The following ADAMTS12 variants were observed in gnomAD, a reference collection of about 807,000 sequenced individuals.
ADAMTS12 encodes the protein ADAM metallopeptidase with thrombospondin type 1 motif 12, also known as A disintegrin and metalloproteinase with thrombospondin motifs 12.
Under a neutral mutation model 167.8 loss-of-function variants are expected in ADAMTS12, and 118 were observed. That is an observed-to-expected ratio of 0.70 (90% CI 0.61 to 0.82). The LOEUF is 0.82. Ranked by LOEUF, ADAMTS12 falls within the 40% of genes least tolerant of loss-of-function variation. The pLI is 0.00. For missense variants in ADAMTS12, 1,916 were observed against 1,998.8 expected, an observed-to-expected ratio of 0.96 and a Z score of 0.79; for synonymous variants, 704 against 716.9, an observed-to-expected ratio of 0.98 and a Z score of 0.29.
At chr5:33,797,132 C>A (rs1048743051) in intron 2 of ADAMTS12, among the ~76,000 whole-genome samples, 3 of 152,196 alleles carry the variant, frequency 2.0e-5, no homozygotes, top group African/African-American at 7.2e-5. Context: ...TGTGAACAAG[C>A]AACTCTTTAC....
At chr5:33,689,260 A>C (rs1174432736) in intron 3 of ADAMTS12, among the ~76,000 whole-genome samples, 1 of 152,226 alleles carries the variant, frequency 6.6e-6, no homozygotes, top group Non-Finnish European at 1.5e-5. Context: ...TATAGAGTTT[A>C]TTCAAAGTCT....
chr5:33,615,974 G>T lies in ADAMTS12; in HGVS notation c.2242C>A (p.Pro748Thr). 1 of 1,614,048 alleles carries T rather than the reference G, an allele frequency of 6.2e-7. No individual in the cohort carries two copies. Among genetic ancestry groups the T allele is most frequent in the Non-Finnish European group, 8.5e-7 (1 of 1,180,002 alleles). ...CCTCCATTCAGGTAATATTTTTCAG[G>T]ATCTTCACTCCTGATGGCCAGGAAG... is the stretch of plus-strand genomic sequence containing the variant. ...GNFLAIRSED[P>T]EKYYLNGGFI... Residue 748 changes from proline to threonine, a missense_variant, in exon 15 of 24, where the codon CCT becomes ACT. Transcript: ENST00000504830.
At chr5:33,590,680 T>C (rs926869223) in intron 17 of ADAMTS12, among the ~76,000 whole-genome samples, 8 of 152,206 alleles carry the variant, frequency 5.3e-5, no homozygotes, top group Admixed American at 4.6e-4. Context: ...GGTCTTGCTT[T>C]GTCACCCAGG....
chr5:33,632,349 C>T (rs185881661), intron 12 of ADAMTS12, among the ~76,000 whole-genome samples: 1 of 151,268 alleles, frequency 6.6e-6, no homozygotes, highest in Non-Finnish European at 1.5e-5. Flanking sequence ...TACCATTATG[C>T]GTGTAATACC....
At chr5:33,530,783 C>G (rs534060824) in intron 23 of ADAMTS12, among the ~76,000 whole-genome samples, 3 of 152,196 alleles carry the variant, frequency 2.0e-5, no homozygotes, top group Non-Finnish European at 4.4e-5. Context: ...GAGCATAAGC[C>G]TCTTCTGCTA....
intron 2 of ADAMTS12, among the ~76,000 whole-genome samples, chr5:33,846,251 A>G (rs1748940424): frequency 6.6e-6 from 1 of 152,224 alleles, no homozygotes; most frequent in South Asian, 2.1e-4. Flanking sequence ...GAGTTATCAG[A>G]AAACAGTGTC....
At chr5:33,685,475 G>A (rs1398082181) in intron 3 of ADAMTS12, among the ~76,000 whole-genome samples, 1 of 152,188 alleles carries the variant, frequency 6.6e-6, no homozygotes, top group East Asian at 1.9e-4. Flanking sequence ...TCTAGGCTGT[G>A]GAGTTGCTTA....
chr5:33,827,755 A>ATAGG (rs1251662602), intron 2 of ADAMTS12, among the ~76,000 whole-genome samples: 2 of 147,172 alleles, frequency 1.4e-5, no homozygotes, highest in Non-Finnish European at 3.0e-5. Flanking sequence ...AGATAGATAG[A>ATAGG]TAGATAGAAT....
At chr5:33,695,461 A>C (rs182296619) in intron 3 of ADAMTS12, among the ~76,000 whole-genome samples, 110 of 152,332 alleles carry the variant, frequency 7.2e-4, no homozygotes, top group African/African-American at 2.5e-3. Context: ...CCTGTCCATA[A>C]ACAAATAAAT....
Position 33,741,043 on chromosome 5 carries a change from T to C in ADAMTS12, c.634+10361A>G, listed in dbSNP as rs551795223. Among the ~76,000 whole-genome samples the C allele has an allele frequency of 1.1e-4, 17 of 152,378 alleles. No homozygotes were observed. The South Asian group carries it at 3.3e-3, about 30-fold the overall frequency. ...AGTGTAAGGCCTTGTGTGGCCCCTCTAGTCACAGTCCCATGCAGCCAGCCC... is the reference window on the plus strand; with the variant it reads ...AGTGTAAGGCCTTGTGTGGCCCCTCCAGTCACAGTCCCATGCAGCCAGCCC... On this transcript the variant is annotated intron_variant, in intron 3 of 23. Transcript: ENST00000504830.
intron 16 of ADAMTS12, among the ~76,000 whole-genome samples, chr5:33,605,830 C>G (rs1275465317): frequency 6.6e-6 from 1 of 152,176 alleles, no homozygotes; most frequent in African/African-American, 2.4e-5. Context: ...ACCAACCATA[C>G]AAAATTTCTC....
chr5:33,527,481 C>T, intron 23 of ADAMTS12, 115 bp from the exon 24 acceptor site: 2 of 1,010,884 alleles, frequency 2.0e-6, no homozygotes, highest in Non-Finnish European at 2.9e-6. Flanking sequence ...GGAGCCATAA[C>T]AATTCATAAT....
At chr5:33,861,466 A>C (rs1749614392) in intron 2 of ADAMTS12, among the ~76,000 whole-genome samples, 1 of 152,236 alleles carries the variant, frequency 6.6e-6, no homozygotes, top group Non-Finnish European at 1.5e-5. Flanking sequence ...TCAATGCAAC[A>C]AGAACAGCTA....
rs951367686 is a variant in ADAMTS12, at chr5:33,570,858, C to T, written c.3972+5196G>A. Among the ~76,000 whole-genome samples, 290 of 150,588 alleles carry T rather than the reference C, an allele frequency of 1.9e-3. 2 individuals carry two copies. The highest frequency in any genetic ancestry group is 3.0e-3 in the Non-Finnish European group (205 of 67,660). On this transcript the variant is annotated intron_variant, in intron 19 of 23. Transcript: ENST00000504830. ...TGCTGTATTCAGGAAACCCATCTCA[C>T]GTGCAGAGACACACATAGGCTCAAA...
At chr5:33,638,489 TTTTCTGTGCA>T (rs5867199) in intron 11 of ADAMTS12, among the ~76,000 whole-genome samples, 103,899 of 151,550 alleles carry the variant, frequency 0.69, 37,511 homozygotes, top group Non-Finnish European at 0.81. Flanking sequence ...TTAATATTTC[TTTTCTGTGCA>T]TTTGGATAGA....
At chr5:33,867,219 C>A (rs1279991515) in intron 2 of ADAMTS12, among the ~76,000 whole-genome samples, 2 of 152,118 alleles carry the variant, frequency 1.3e-5, no homozygotes, top group Non-Finnish European at 2.9e-5. Flanking sequence ...TAAGTGCCCA[C>A]TGACCAACAA....
chr5:33,601,659 T>C (rs1406542879), intron 16 of ADAMTS12, among the ~76,000 whole-genome samples: 11 of 152,168 alleles, frequency 7.2e-5, no homozygotes, highest in South Asian at 2.1e-4. Flanking sequence ...CAAAAGAACA[T>C]TGACATTGAC....
intron 1 of ADAMTS12, 80 bp downstream of exon 1, chr5:33,891,650 G>C (rs972105578): frequency 1.9e-6 from 3 of 1,592,298 alleles, no homozygotes; most frequent in Non-Finnish European, 1.7e-6. Flanking sequence ...TGCCGGGTGG[G>C]GGAAGGGAAA....
chr5:33,549,391 G>A lies in ADAMTS12; in HGVS notation c.4126-8C>T. On this transcript the variant is annotated splice_region_variant and splice_polypyrimidine_tract_variant and intron_variant, in intron 20 of 23. Coordinates refer to ENST00000504830, the MANE Select transcript of ADAMTS12 (RefSeq NM_030955.4). ...ACTGCAGTTTCTGGAGCACTGTATG[G>A]AGAGAAAAATCAAAGGCGATCTCTG... 2.5e-6 allele frequency: 4 copies of A among 1,603,740 alleles called. No homozygotes were observed. Among genetic ancestry groups the A allele is most frequent in the Non-Finnish European group, 3.4e-6 (4 of 1,171,462 alleles).
Sources: allele counts gnomAD v4.1 joint callset (sites outside exome capture counted in the v4.1 genomes callset), GRCh38; gene constraint gnomAD v4.1.1; transcripts MANE v1.5; gene names NCBI Gene and HGNC (gene_info 2026-07-23, HGNC 2026-07-21).